The following KIAA1328 variants were observed in gnomAD, a reference collection of about 807,000 sequenced individuals.
KIAA1328 encodes the protein protein hinderin.
In KIAA1328, 52 loss-of-function variants were observed where a neutral mutation model predicts 68.1. The ratio of observed to expected loss-of-function variants is 0.76; its 90% confidence interval spans 0.61 to 0.96. The LOEUF (loss-of-function observed/expected upper bound fraction) is 0.96. Among genes scored for constraint, KIAA1328 ranks in the 40% least tolerant of loss-of-function variants. The pLI, the probability that KIAA1328 is intolerant of heterozygous loss-of-function variation, is 0.00. For synonymous variants in KIAA1328, 232 were observed against 239.4 expected (o/e 0.97, Z 0.28); for missense variants, 641 against 677.6 (o/e 0.95, Z 0.60).
intron 6 of KIAA1328, among the ~76,000 whole-genome samples, chr18:36,978,920 T>C (rs1385111263): frequency 2.0e-5 from 3 of 152,184 alleles, no homozygotes. Flanking sequence ...CTCAGCACTT[T>C]GGAAGGCCAA....
chr18:36,980,489 G>A (rs1332612523), intron 6 of KIAA1328, among the ~76,000 whole-genome samples: 1 of 152,190 alleles, frequency 6.6e-6, no homozygotes, highest in Non-Finnish European at 1.5e-5. Context: ...AGCAATACCA[G>A]AGAGCAGTGG....
intron 4 of KIAA1328, among the ~76,000 whole-genome samples, chr18:36,882,411 A>G (rs2048354223): frequency 6.6e-6 from 1 of 152,230 alleles, no homozygotes; most frequent in South Asian, 2.1e-4. Flanking sequence ...AATGAATATC[A>G]AATCTTGAGG....
At chr18:37,210,421 A>G (rs956049921) in intron 9 of KIAA1328, among the ~76,000 whole-genome samples, 1 of 152,184 alleles carries the variant, frequency 6.6e-6, no homozygotes, top group Non-Finnish European at 1.5e-5. Context: ...TAATGAGGCT[A>G]TTACATTCAG....
chr18:37,155,681 C>A (rs116363726), intron 7 of KIAA1328, among the ~76,000 whole-genome samples: 77 of 152,220 alleles, frequency 5.1e-4, no homozygotes, highest in African/African-American at 1.8e-3. Flanking sequence ...TCCTGAGAGC[C>A]TTTCAGTGAC....
At chr18:36,982,504 T>C (rs2052734897) in intron 6 of KIAA1328, among the ~76,000 whole-genome samples, 4 of 151,686 alleles carry the variant, frequency 2.6e-5, no homozygotes, top group Admixed American at 2.6e-4. Context: ...AAAAGTACTT[T>C]TAAAAAAATG....
intron 5 of KIAA1328, among the ~76,000 whole-genome samples, chr18:36,899,607 A>G (rs117675672): frequency 4.6e-5 from 7 of 152,088 alleles, no homozygotes; most frequent in Non-Finnish European, 1.0e-4. Context: ...TATACTCATG[A>G]TATGTATCTG....
intron 7 of KIAA1328, among the ~76,000 whole-genome samples, chr18:37,086,964 G>C (rs1290441907): frequency 8.5e-5 from 13 of 152,086 alleles, no homozygotes; most frequent in Admixed American, 8.5e-4. Flanking sequence ...CTAATGTATT[G>C]TCTCTTTTGA....
At chr18:37,204,733 C>A (rs1599589699) in intron 9 of KIAA1328, among the ~76,000 whole-genome samples, 3 of 121,758 alleles carry the variant, frequency 2.5e-5, no homozygotes, top group Non-Finnish European at 3.4e-5. Flanking sequence ...GCAGAGAGAC[C>A]AAACACATAA....
intron 8 of KIAA1328, among the ~76,000 whole-genome samples, chr18:37,165,156 G>C (rs2059360879): frequency 1.3e-5 from 2 of 152,020 alleles, no homozygotes; most frequent in South Asian, 4.1e-4. Context: ...TAAAGGTCTT[G>C]TCTCCAAATA....
chr18:37,225,280 T>G lies in KIAA1328; in HGVS notation c.*3053T>G, dbSNP rs1305188598. On this transcript the variant is annotated 3_prime_UTR_variant, in exon 10 of 10. Transcript: ENST00000280020. ...GTGTATTTTGAATATGAGCAAATGT[T>G]TATGTACGTATGAGATTTCAAGTTA... 2 of 985,344 alleles carry G rather than the reference T, an allele frequency of 2.0e-6. No individual in the cohort carries two copies. Among genetic ancestry groups the G allele is most frequent in the Non-Finnish European group, 2.4e-6 (2 of 829,938 alleles). 61.0% of individuals were successfully genotyped at this position (985,344 alleles called of 1,614,324 possible).
At chr18:37,181,006 GCTCAGCTTCAAAATATCAGATAGAA>G (rs1291612751) in intron 9 of KIAA1328, among the ~76,000 whole-genome samples, 1 of 152,034 alleles carries the variant, frequency 6.6e-6, no homozygotes, top group Non-Finnish European at 1.5e-5. Context: ...GACTGTTAAA[GCTCAGCTTCAAAATATCAGATAGAA>G]TTTATTCCCA....
chr18:37,145,938 A>C (rs1156758439), intron 7 of KIAA1328, among the ~76,000 whole-genome samples: 1 of 151,980 alleles, frequency 6.6e-6, no homozygotes, highest in Non-Finnish European at 1.5e-5. Context: ...AATCCATTTA[A>C]ATTTAACTTA....
At chr18:37,024,346 A>G (rs1005620311) in intron 6 of KIAA1328, among the ~76,000 whole-genome samples, 26 of 140,988 alleles carry the variant, frequency 1.8e-4, no homozygotes, top group Admixed American at 3.1e-4. Context: ...TTTTATGTAT[A>G]TATTTATTAT....
At chr18:37,198,358 A>G (rs2060042515) in intron 9 of KIAA1328, among the ~76,000 whole-genome samples, 1 of 152,222 alleles carries the variant, frequency 6.6e-6, no homozygotes, top group Non-Finnish European at 1.5e-5. Flanking sequence ...AACAGTTTAA[A>G]GTTCATAAGA....
chr18:37,002,512 C>T (rs1158500664), intron 6 of KIAA1328, among the ~76,000 whole-genome samples: 3 of 151,652 alleles, frequency 2.0e-5, no homozygotes, highest in African/African-American at 7.3e-5. Context: ...AGCCACTGCA[C>T]CTGGCAGGTA....
At chr18:36,869,209 A>G (rs2047860059) in intron 4 of KIAA1328, among the ~76,000 whole-genome samples, 1 of 152,138 alleles carries the variant, frequency 6.6e-6, no homozygotes, top group Non-Finnish European at 1.5e-5. Context: ...TTTTAGTGGA[A>G]TTTACACTAT....
intron 9 of KIAA1328, among the ~76,000 whole-genome samples, chr18:37,213,322 G>A (rs555494257): frequency 1.1e-4 from 16 of 152,070 alleles, no homozygotes; most frequent in African/African-American, 2.9e-4. Context: ...CAACAGGCCC[G>A]AGTGTGTGAT....
chr18:36,949,602 C>CCCA (rs1556833376), intron 5 of KIAA1328, among the ~76,000 whole-genome samples: 1 of 99,648 alleles, frequency 1.0e-5, no homozygotes, highest in Non-Finnish European at 2.0e-5. Flanking sequence ...CCAGCTCCCC[C>CCCA]CCCCCCACCC....
At chr18:37,172,740 A>C (rs2154213839) in intron 8 of KIAA1328, among the ~76,000 whole-genome samples, 1 of 152,264 alleles carries the variant, frequency 6.6e-6, no homozygotes, top group South Asian at 2.1e-4. Flanking sequence ...TAAAAACAAA[A>C]TCTCTAGTTA....
Sources: allele counts gnomAD v4.1 joint callset (sites outside exome capture counted in the v4.1 genomes callset), GRCh38; gene constraint gnomAD v4.1.1; transcripts MANE v1.5; gene names NCBI Gene and HGNC (gene_info 2026-07-23, HGNC 2026-07-21).